The following RAB33A variants were observed in gnomAD, a reference collection of about 807,000 sequenced individuals.
RAB33A encodes ras-related protein Rab-33A.
In RAB33A, 6 loss-of-function variants were observed where a neutral mutation model predicts 12.0. That is an observed-to-expected ratio of 0.50 (90% confidence interval 0.27 to 0.99). RAB33A has a LOEUF of 0.99. RAB33A is among the 50% of genes least tolerant of loss of function. The pLI is 0.11. For missense variants in RAB33A, 109 were observed against 192.0 expected (o/e 0.57, Z 2.55); for synonymous variants, 70 against 82.4 (o/e 0.85, Z 0.81).
the RAB33A span, among the ~76,000 whole-genome samples, chrX:130,158,111 A>C: frequency 2.9e-5 from 3 of 105,053 alleles, no homozygotes; most frequent in African/African-American, 1.1e-4. Flanking sequence ...AAAAATACAA[A>C]AAATTAGCCG....
the RAB33A span, chrX:130,155,052 C>T: frequency 9.8e-7 from 1 of 1,020,732 alleles, no homozygotes; most frequent in Non-Finnish European, 1.4e-6. Flanking sequence ...CTAGAGAAAG[C>T]ACATGCTGTG....
chrX:130,158,896 G>C, the RAB33A span, among the ~76,000 whole-genome samples: 1 of 110,773 alleles, frequency 9.0e-6, no homozygotes, highest in African/African-American at 3.3e-5. Context: ...TATACTTGCA[G>C]AGATTAGAGA....
the RAB33A span, among the ~76,000 whole-genome samples, chrX:130,158,704 TAAAAAAAA>T: frequency 3.0e-4 from 13 of 44,065 alleles, no homozygotes; most frequent in African/African-American, 8.0e-4. Context: ...GCTGATGAGC[TAAAAAAAA>T]AAAAAAAAAA....
chrX:130,118,789 TGTGA>T, the RAB33A span, among the ~76,000 whole-genome samples: 2 of 110,816 alleles, frequency 1.8e-5, no homozygotes. Context: ...GTCTCACAGA[TGTGA>T]GTGAGGGCAT....
rs936583584 is a variant in RAB33A, at chrX:130,184,797, T to C, written c.*57T>C. 36 of 1,051,314 alleles carry C rather than the reference T, an allele frequency of 3.4e-5. No individual in the cohort carries two copies. The highest frequency in any genetic ancestry group is 9.1e-6 in the Non-Finnish European group (7 of 773,179). The allele number at this position is 1,051,314 out of a possible 1,213,427, so 86.6% of individuals were successfully genotyped here. A position where few individuals can be genotyped will look rare whatever the true frequency, so the allele number is the denominator to read the frequency against. On this transcript the variant is annotated 3_prime_UTR_variant, in exon 2 of 2. Transcript: ENST00000257017. Reference sequence around the variant, plus strand: ...CACTGGAGTTTTTTCTTTCCCTTTTTTCTGTGCCTGCATAATGCTGACACC... The same window carrying C: ...CACTGGAGTTTTTTCTTTCCCTTTTCTCTGTGCCTGCATAATGCTGACACC...
At chrX:130,125,409 G>C in the RAB33A span, among the ~76,000 whole-genome samples, 1 of 111,312 alleles carries the variant, frequency 9.0e-6, no homozygotes, top group African/African-American at 3.3e-5. Context: ...TTGTGTACGC[G>C]TGTCTGTGCC....
the RAB33A span, among the ~76,000 whole-genome samples, chrX:130,119,249 G>A: frequency 2.7e-5 from 3 of 111,717 alleles, no homozygotes; most frequent in African/African-American, 9.8e-5. Context: ...GTGGAGATTA[G>A]TCAGCCCAAA....
chrX:130,113,077 C>CTTTTTTTTTTT, the RAB33A span, among the ~76,000 whole-genome samples: 15 of 46,970 alleles, frequency 3.2e-4, no homozygotes, highest in Non-Finnish European at 4.3e-4. Context: ...TTTTTTCCTT[C>CTTTTTTTTTTT]TTTTTTTTTT....
chrX:130,120,697 A>G, the RAB33A span, among the ~76,000 whole-genome samples: 143 of 112,074 alleles, frequency 1.3e-3, 1 homozygote, highest in South Asian at 0.013. Context: ...CTCTCCCGCC[A>G]GTGGGGTGGG....
the RAB33A span, among the ~76,000 whole-genome samples, chrX:130,134,232 G>A: frequency 2.8e-5 from 3 of 106,264 alleles, no homozygotes; most frequent in Non-Finnish European, 3.9e-5. Flanking sequence ...GCGAGACACC[G>A]CCTCAAAAAA....
the RAB33A span, among the ~76,000 whole-genome samples, chrX:130,122,514 G>A: frequency 8.9e-6 from 1 of 112,397 alleles, no homozygotes; most frequent in Non-Finnish European, 1.9e-5. Flanking sequence ...GCACTTCAGG[G>A]CACGGCTCTG....
the RAB33A span, among the ~76,000 whole-genome samples, chrX:130,146,857 C>T: frequency 2.2e-3 from 244 of 112,045 alleles, 2 homozygotes; most frequent in Non-Finnish European, 3.2e-3. Context: ...TAGGACATGT[C>T]TAGGCAAGTA....
the RAB33A span, among the ~76,000 whole-genome samples, chrX:130,138,419 C>T: frequency 8.1e-5 from 9 of 111,419 alleles, no homozygotes; most frequent in African/African-American, 1.6e-4. Context: ...GAGCCGAGAT[C>T]GCGCCACTGC....
the RAB33A span, chrX:130,136,998 G>A: frequency 8.3e-7 from 1 of 1,208,221 alleles, no homozygotes; most frequent in Non-Finnish European, 1.1e-6. Context: ...TATGTCAAGG[G>A]GGTTCCTATA....
chrX:130,138,827 A>G, the RAB33A span: 3 of 509,186 alleles, frequency 5.9e-6, no homozygotes, highest in East Asian at 7.2e-5. Context: ...TGACTCAATT[A>G]TAACTTCTAT....
chrX:130,156,098 A>G, the RAB33A span, among the ~76,000 whole-genome samples: 1 of 112,066 alleles, frequency 8.9e-6, no homozygotes, highest in Admixed American at 9.5e-5. Context: ...GGTCAAAATC[A>G]AATATTGTGC....
the RAB33A span, chrX:130,138,444 G>C: frequency 2.1e-6 from 1 of 473,640 alleles, no homozygotes; most frequent in Non-Finnish European, 3.6e-6. Context: ...CAGCCTGGGT[G>C]ACAGAGCGAG....
At chrX:130,136,526 G>A in the RAB33A span, 26 of 674,137 alleles carry the variant, frequency 3.9e-5, no homozygotes, top group Non-Finnish European at 2.6e-5. Flanking sequence ...AATTATATCA[G>A]GTTAATGGCA....
chrX:130,183,197 T>C (rs1372386541), intron 1 of RAB33A, among the ~76,000 whole-genome samples: 5 of 108,298 alleles, frequency 4.6e-5, no homozygotes, highest in Admixed American at 9.9e-5. Context: ...CATGAGCCAC[T>C]GTACCTGACC....
Sources: gnomAD v4.1 joint callset for allele counts (sites outside exome capture counted in the v4.1 genomes callset) on GRCh38, gnomAD v4.1.1 for gene constraint, MANE v1.5 for transcripts, NCBI Gene and HGNC (gene_info 2026-07-23, HGNC 2026-07-21) for gene names.